DLG2: variants seen among roughly 807,000 people sequenced by gnomAD.
DLG2 encodes disks large homolog 2.
Under a neutral mutation model 132.5 loss-of-function variants are expected in DLG2, and 45 were observed. The observed-to-expected ratio is 0.34, with a 90% CI of 0.27 to 0.44. The LOEUF is 0.44. DLG2 is among the 20% of genes least tolerant of loss of function. The probability of loss-of-function intolerance (pLI) is 1.00; values close to 1 mark genes in which losing one functional copy is unlikely to be tolerated. For synonymous variants in DLG2, 424 were observed against 419.6 expected (o/e 1.01, Z -0.13); for missense variants, 1,045 against 1,196.9 (o/e 0.87, Z 1.87).
At chr11:85,412,032 G>A (rs1438372403) in intron 3 of DLG2, among the ~76,000 whole-genome samples, 23 of 151,724 alleles carry the variant, frequency 1.5e-4, no homozygotes, top group Admixed American at 1.5e-3. Context: ...TTGAACTCAG[G>A]TCCAATTTGA....
At chr11:83,751,104 A>G (rs1185909376) in intron 18 of DLG2, among the ~76,000 whole-genome samples, 1 of 152,244 alleles carries the variant, frequency 6.6e-6, no homozygotes, top group African/African-American at 2.4e-5. Context: ...GATATAAAGT[A>G]TATGTATACT....
intron 6 of DLG2, among the ~76,000 whole-genome samples, chr11:85,060,421 A>G (rs1593402806): frequency 6.7e-6 from 1 of 149,358 alleles, no homozygotes; most frequent in African/African-American, 2.5e-5. Context: ...ATGTGTGTGT[A>G]TATATATGTG....
intron 6 of DLG2, among the ~76,000 whole-genome samples, chr11:85,033,250 A>T (rs2061170545): frequency 1.3e-5 from 2 of 152,164 alleles, no homozygotes; most frequent in Admixed American, 1.3e-4. Context: ...CAAGCATTCC[A>T]TTAAAAGATG....
chr11:84,491,163 T>A (rs149567209), intron 7 of DLG2, among the ~76,000 whole-genome samples: 5 of 151,994 alleles, frequency 3.3e-5, no homozygotes, highest in Admixed American at 3.3e-4. Flanking sequence ...TATGGTGATA[T>A]GGTTTGGCTG....
chr11:84,582,976 G>A (rs781469468), intron 6 of DLG2, among the ~76,000 whole-genome samples: 1 of 152,136 alleles, frequency 6.6e-6, no homozygotes, highest in African/African-American at 2.4e-5. Flanking sequence ...ATGCTGTCAA[G>A]AGTAAGAAAT....
chr11:84,524,858 T>C (rs928230964), intron 7 of DLG2, among the ~76,000 whole-genome samples: 2 of 152,040 alleles, frequency 1.3e-5, no homozygotes, highest in Non-Finnish European at 2.9e-5. Context: ...TTCTTTTTTT[T>C]TTTTTTTTAA....
intron 11 of DLG2, among the ~76,000 whole-genome samples, chr11:84,039,089 T>C (rs1447088760): frequency 6.6e-6 from 1 of 152,044 alleles, no homozygotes; most frequent in African/African-American, 2.4e-5. Flanking sequence ...GCCCACAATG[T>C]TTAGGTAATT....
chr11:85,289,585 G>T (rs946809047), intron 3 of DLG2, among the ~76,000 whole-genome samples: 1 of 152,148 alleles, frequency 6.6e-6, no homozygotes, highest in Non-Finnish European at 1.5e-5. Flanking sequence ...TCTTCTTACA[G>T]CTTCAACAAA....
intron 3 of DLG2, among the ~76,000 whole-genome samples, chr11:85,528,452 T>G (rs915181804): frequency 6.6e-6 from 1 of 152,180 alleles, no homozygotes; most frequent in Non-Finnish European, 1.5e-5. Flanking sequence ...CATTCATCAT[T>G]AGGAAAATCC....
chr11:84,996,876 T>C (rs1006578394), intron 6 of DLG2, among the ~76,000 whole-genome samples: 13 of 152,198 alleles, frequency 8.5e-5, no homozygotes, highest in South Asian at 2.1e-4. Flanking sequence ...AGCTGATATG[T>C]GACAGATAGG....
At chr11:83,526,358 T>C (rs2095609720) in intron 21 of DLG2, among the ~76,000 whole-genome samples, 1 of 152,166 alleles carries the variant, frequency 6.6e-6, no homozygotes, top group Non-Finnish European at 1.5e-5. Context: ...TGCCAGTCTC[T>C]CTCCTCCAAC....
chr11:84,830,452 G>A (rs965137809), intron 6 of DLG2, among the ~76,000 whole-genome samples: 4 of 151,156 alleles, frequency 2.6e-5, no homozygotes, highest in Non-Finnish European at 5.9e-5. Context: ...GAGGTGAAGT[G>A]AGAAAGAGTG....
chr11:85,459,600 AAG>A (rs1406253375), intron 3 of DLG2, among the ~76,000 whole-genome samples: 11 of 152,076 alleles, frequency 7.2e-5, no homozygotes, highest in Non-Finnish European at 1.5e-4. Context: ...GGTAAAGAGT[AAG>A]GGGTGGGAGC....
chr11:84,957,198 T>C (rs1018516286), intron 6 of DLG2, among the ~76,000 whole-genome samples: 8 of 152,148 alleles, frequency 5.3e-5, no homozygotes, highest in Non-Finnish European at 1.2e-4. Context: ...GACTCAAACC[T>C]AGACTTGCTG....
chr11:84,514,529 C>G (rs2099266762), intron 7 of DLG2, among the ~76,000 whole-genome samples: 1 of 151,850 alleles, frequency 6.6e-6, no homozygotes, highest in Non-Finnish European at 1.5e-5. Flanking sequence ...ATTATGTTAA[C>G]TGAAATCTCA....
rs191770044 is a variant in DLG2, at chr11:84,969,717, G to A, written c.357+141944C>T. On this transcript the variant is annotated intron_variant, in intron 6 of 27. Transcript: ENST00000376104. ...GATGTACCAACAAGAAAAGACACATGCACATGTTTACTGCAGCAGTGTTCA... is the reference window on the plus strand; with the variant it reads ...GATGTACCAACAAGAAAAGACACATACACATGTTTACTGCAGCAGTGTTCA... 1.1e-3 allele frequency among the ~76,000 whole-genome samples: 170 copies of A among 152,222 alleles called. 1 individual carries two copies. Among genetic ancestry groups the A allele is most frequent in the African/African-American group, 3.9e-3 (164 of 41,534 alleles).
chr11:85,461,765 A>C (rs2092622676), intron 3 of DLG2, among the ~76,000 whole-genome samples: 1 of 152,020 alleles, frequency 6.6e-6, no homozygotes, highest in Non-Finnish European at 1.5e-5. Flanking sequence ...TTATGGACTG[A>C]ATAAAGTAAT....
At chr11:85,074,128 C>A (rs992169725) in intron 6 of DLG2, among the ~76,000 whole-genome samples, 7 of 151,756 alleles carry the variant, frequency 4.6e-5, no homozygotes, top group African/African-American at 1.5e-4. Flanking sequence ...GATCAAAAAA[C>A]TACCTATCAG....
intron 8 of DLG2, among the ~76,000 whole-genome samples, chr11:84,229,356 T>C (rs1337544768): frequency 1.3e-5 from 2 of 152,240 alleles, no homozygotes; most frequent in Non-Finnish European, 2.9e-5. Context: ...AATGAAGCGA[T>C]GATACCATAT....
Sources: allele counts gnomAD v4.1 joint callset (sites outside exome capture counted in the v4.1 genomes callset), GRCh38; gene constraint gnomAD v4.1.1; transcripts MANE v1.5; gene names NCBI Gene and HGNC (gene_info 2026-07-23, HGNC 2026-07-21).